The following NAF1 variants were observed in gnomAD, a reference collection of about 807,000 sequenced individuals.
The protein encoded by NAF1 is H/ACA ribonucleoprotein complex non-core subunit NAF1.
Under a neutral mutation model 40.6 loss-of-function variants are expected in NAF1, and 11 were observed. The ratio of observed to expected loss-of-function variants is 0.27; its 90% confidence interval spans 0.17 to 0.45. The LOEUF (loss-of-function observed/expected upper bound fraction) is 0.45, where lower values mean the gene tolerates loss of function less well. Among genes scored for constraint, NAF1 ranks in the 20% least tolerant of loss-of-function variants. The pLI, the probability that NAF1 is intolerant of heterozygous loss-of-function variation, is 1.00. For synonymous variants in NAF1, 260 were observed against 228.5 expected, an observed-to-expected ratio of 1.14 and a Z score of -1.24; for missense variants, 607 against 611.1, an observed-to-expected ratio of 0.99 and a Z score of 0.07.
At chr4:163,133,526 T>C in intron 6 of NAF1, 1 of 328,102 alleles carries the variant, frequency 3.0e-6, no homozygotes, top group Non-Finnish European at 5.6e-6. Context: ...AAATTCATCA[T>C]AGTATCAGAT....
chr4:163,148,500 T>C, intron 2 of NAF1, 66 bp from the exon 3 acceptor site: 1 of 1,171,312 alleles, frequency 8.5e-7, no homozygotes, highest in Non-Finnish European at 1.2e-6. Context: ...AAAAATAAAT[T>C]TTCCATTTTA....
At chr4:163,144,286 T>C (rs979139022) in intron 4 of NAF1, among the ~76,000 whole-genome samples, 6 of 152,172 alleles carry the variant, frequency 3.9e-5, no homozygotes, top group Admixed American at 3.9e-4. Flanking sequence ...AACTCATCCA[T>C]TTCAGCTTTG....
At chr4:163,131,183 T>A (rs1407042080) in intron 7 of NAF1, among the ~76,000 whole-genome samples, 3 of 152,204 alleles carry the variant, frequency 2.0e-5, no homozygotes, top group Non-Finnish European at 4.4e-5. Context: ...ATAATGACTT[T>A]TTAGATAATG....
intron 5 of NAF1, among the ~76,000 whole-genome samples, chr4:163,139,583 T>A (rs973969532): frequency 7.9e-5 from 12 of 151,966 alleles, no homozygotes; most frequent in African/African-American, 2.9e-4. Flanking sequence ...ATTTGAAAAA[T>A]ATTCAACCAA....
chr4:163,127,130 T>C (rs1252606490), downstream of NAF1: 28 of 1,548,930 alleles, frequency 1.8e-5, no homozygotes, highest in Middle Eastern at 1.7e-4. Flanking sequence ...GGTAAAGAAA[T>C]GGACAGATTT....
chr4:163,153,130 C>G (rs748949480), intron 2 of NAF1, among the ~76,000 whole-genome samples: 3 of 152,230 alleles, frequency 2.0e-5, no homozygotes, highest in Non-Finnish European at 2.9e-5. Flanking sequence ...AGCCTTCCCC[C>G]GCCTCCGTGG....
intron 4 of NAF1, among the ~76,000 whole-genome samples, chr4:163,145,190 G>C (rs1042610548): frequency 2.0e-5 from 3 of 152,158 alleles, no homozygotes; most frequent in African/African-American, 7.2e-5. Flanking sequence ...CTACATTAAG[G>C]TGGACATGCA....
chr4:163,147,370 G>A lies in NAF1; in HGVS notation c.634+971C>T, dbSNP rs149294268. ...CCTGTGGAGGCTGGTGGGCAATCTA[G>A]GTCCTCTTCACAGTTCCAAAATCCT... On this transcript the variant is annotated intron_variant, in intron 3 of 7. Transcript: ENST00000274054. 3.8e-3 allele frequency among the ~76,000 whole-genome samples: 578 copies of A among 152,186 alleles called. 6 individuals are homozygous for A. Among genetic ancestry groups the A allele is most frequent in the African/African-American group, 0.013 (552 of 41,522 alleles).
intron 2 of NAF1, among the ~76,000 whole-genome samples, chr4:163,114,985 C>T (rs1267356983): frequency 1.3e-5 from 2 of 151,934 alleles, no homozygotes; most frequent in Non-Finnish European, 1.5e-5. Flanking sequence ...TACATTTTTA[C>T]ATTTTATTGG....
rs770815865 is a variant in NAF1 at position 163,140,403 on chromosome 4, G to A, written c.718-20C>T. The A allele has an allele frequency of 5.7e-6, 9 of 1,574,388 alleles. No individual in the cohort carries two copies. Among genetic ancestry groups the A allele is most frequent in the Non-Finnish European group, 7.7e-6 (9 of 1,163,776 alleles). The stretch of plus-strand genomic sequence containing the variant: ...GAATATCTGTAATAGAAACATAAAG[G>A]CCTCTTTTAACATGTAAAATAACTA... On this transcript the variant is annotated intron_variant, in intron 4 of 7. Coordinates refer to ENST00000274054, the MANE Select transcript of NAF1 (RefSeq NM_138386.3).
chr4:163,136,636 C>T (rs1465119355), intron 6 of NAF1, among the ~76,000 whole-genome samples: 1 of 152,042 alleles, frequency 6.6e-6, no homozygotes, highest in Non-Finnish European at 1.5e-5. Context: ...TCTAGGAAGA[C>T]TAGATTATCA....
downstream of NAF1, among the ~76,000 whole-genome samples, chr4:163,107,393 G>A (rs1730065268): frequency 6.6e-6 from 1 of 152,210 alleles, no homozygotes; most frequent in South Asian, 2.1e-4. Context: ...CTCAGATACA[G>A]CAGGCTCCTT....
At chr4:163,126,771 T>C, downstream of NAF1, 1 of 448,108 alleles carries the variant, frequency 2.2e-6, no homozygotes, top group Non-Finnish European at 3.7e-6. Context: ...CCAATTAATG[T>C]AGCACACTTC....
At chr4:163,133,860 C>T (rs1275440701) in intron 6 of NAF1, among the ~76,000 whole-genome samples, 1 of 152,016 alleles carries the variant, frequency 6.6e-6, no homozygotes, top group Non-Finnish European at 1.5e-5. Context: ...TCACTGCAAC[C>T]TCTGCCTCCC....
chr4:163,164,086 CA>C, intron 2 of NAF1, 130 bp downstream of exon 2: 1 of 1,177,568 alleles, frequency 8.5e-7, no homozygotes, highest in Non-Finnish European at 1.1e-6. Flanking sequence ...CAAGGCATAC[CA>C]AAAGCATGCC....
At chr4:163,144,496 A>G (rs139220334) in intron 4 of NAF1, among the ~76,000 whole-genome samples, 2 of 152,336 alleles carry the variant, frequency 1.3e-5, no homozygotes, top group African/African-American at 4.8e-5. Flanking sequence ...ACATGCTAAT[A>G]ATCTAAAAGG....
intron 5 of NAF1, 58 bp from the exon 6 acceptor site, chr4:163,137,308 C>T (rs1731098914): frequency 2.6e-6 from 4 of 1,542,838 alleles, no homozygotes; most frequent in South Asian, 2.5e-5. Context: ...ATTAAGTGCT[C>T]ATAACTTAAA....
intron 2 of NAF1, among the ~76,000 whole-genome samples, chr4:163,117,666 C>T (rs1025894124): frequency 7.9e-6 from 1 of 126,652 alleles, no homozygotes; most frequent in Middle Eastern, 3.9e-3. Flanking sequence ...TATTTTTAAA[C>T]TCCCTGGAAG....
chr4:163,155,877 C>T (rs1015923587), intron 2 of NAF1, among the ~76,000 whole-genome samples: 2 of 151,448 alleles, frequency 1.3e-5, no homozygotes, highest in African/African-American at 4.9e-5. Context: ...TCTGGCAGTG[C>T]ACAGAAGATA....
Sources: gnomAD v4.1 joint callset for allele counts (sites outside exome capture counted in the v4.1 genomes callset) on GRCh38, gnomAD v4.1.1 for gene constraint, MANE v1.5 for transcripts, NCBI Gene and HGNC (gene_info 2026-07-23, HGNC 2026-07-21) for gene names.